Variants in RANBP10 observed in about 807,000 individuals in gnomAD.
RANBP10 encodes the protein ran-binding protein 10.
In RANBP10, 24 loss-of-function variants were observed where a neutral mutation model predicts 72.8. The observed-to-expected ratio is 0.33, with a 90% CI of 0.24 to 0.46. The LOEUF is 0.46. Among genes scored for constraint, RANBP10 ranks in the 20% least tolerant of loss-of-function variants. The probability of loss-of-function intolerance (pLI) is 1.00; values close to 1 mark genes in which losing one functional copy is unlikely to be tolerated. For synonymous variants in RANBP10, 310 were observed against 322.3 expected (o/e 0.96, Z 0.41); for missense variants, 679 against 817.5 (o/e 0.83, Z 2.07).
chr16:67,790,917 C>T (rs1348438659), intron 2 of RANBP10, among the ~76,000 whole-genome samples: 1 of 151,558 alleles, frequency 6.6e-6, no homozygotes, highest in South Asian at 2.1e-4. Context: ...CCAGGCTGGT[C>T]TCAAACTCTT....
chr16:67,746,601 T>C (rs533005443), intron 3 of RANBP10, among the ~76,000 whole-genome samples: 1 of 152,280 alleles, frequency 6.6e-6, no homozygotes, highest in Non-Finnish European at 1.5e-5. Flanking sequence ...CAGTGAGCTA[T>C]GATCATGCCA....
rs191257240 is a variant in RANBP10, at chr16:67,757,033, C to T, written c.401-12578G>A. Among the ~76,000 whole-genome samples, 15 of 152,188 alleles carry T rather than the reference C, an allele frequency of 9.9e-5. No individual in the cohort carries two copies. The East Asian group carries it at 2.1e-3, about 22-fold the overall frequency. ...CACCCTGACCAACATAGAGAAACCC[C>T]GTCTTAACTAAAAATATTTTAAAAA... On this transcript the variant is annotated intron_variant, in intron 3 of 13. Transcript: ENST00000317506.
At chr16:67,737,194 T>TTTTTTA (rs1286669785) in intron 5 of RANBP10, among the ~76,000 whole-genome samples, 1 of 126,646 alleles carries the variant, frequency 7.9e-6, no homozygotes, top group African/African-American at 3.1e-5. Context: ...ATCCTTTTCT[T>TTTTTTA]TTTTTTTTTT....
At chr16:67,800,386 G>C (rs2055214848) in intron 2 of RANBP10, among the ~76,000 whole-genome samples, 1 of 152,162 alleles carries the variant, frequency 6.6e-6, no homozygotes, top group African/African-American at 2.4e-5. Flanking sequence ...TCACATGTCA[G>C]GAGGCCTCCG....
Position 67,780,528 on chromosome 16 carries a change from A to T in RANBP10, c.348-8442T>A, listed in dbSNP as rs557826493. ...CTTGGGAGGCCAAGGCGGGAAGATC[A>T]TTGGAAGCCAGGAGTGCAAGACCAG... On this transcript the variant is annotated intron_variant, in intron 2 of 13. Transcript: ENST00000317506. 1.2e-3 allele frequency among the ~76,000 whole-genome samples: 184 copies of T among 152,278 alleles called. 5 individuals are homozygous for T. The South Asian group carries it at 0.036, about 30-fold the overall frequency.
chr16:67,774,432 A>G lies in RANBP10; in HGVS notation c.348-2346T>C, dbSNP rs141843665. The stretch of plus-strand genomic sequence containing the variant: ...CCTGTGCTCAAAACACAACTTGCTT[A>G]GGCCTCCCCACAGGAGACGCCTCTC... On this transcript the variant is annotated intron_variant, in intron 2 of 13. Transcript: ENST00000317506. Among the ~76,000 whole-genome samples, 34 of 152,360 alleles carry G rather than the reference A, an allele frequency of 2.2e-4. 1 individual carries two copies. In the East Asian group the frequency reaches 4.4e-3, roughly 20 times the overall value.
rs2053577209 is a variant in RANBP10 at position 67,725,165 on chromosome 16, A to C, written c.*1263T>G. The C allele has an allele frequency of 6.5e-6, 1 of 152,692 alleles. No homozygotes were observed. Among genetic ancestry groups the C allele is most frequent in the Admixed American group, 6.5e-5 (1 of 15,292 alleles). The allele number at this position is 152,692 out of a possible 1,614,324, so 9.5% of individuals were successfully genotyped here. On this transcript the variant is annotated 3_prime_UTR_variant, in exon 14 of 14. Coordinates refer to ENST00000317506, the MANE Select transcript of RANBP10 (RefSeq NM_020850.3). ...TCTCTGGCCAGCAAATACTCCCAAT[A>C]GTCTTTCCTAAGAGTGGCTAGGGCC...
At chr16:67,789,081 G>A (rs113305162) in intron 2 of RANBP10, among the ~76,000 whole-genome samples, 26 of 151,214 alleles carry the variant, frequency 1.7e-4, no homozygotes, top group Middle Eastern at 6.9e-3. Context: ...AGGCTGAGGC[G>A]GGCAGATTAC....
Position 67,729,301 on chromosome 16 carries a change from C to T in RANBP10, c.1331G>A (p.Ser444Asn). ...TDSTKSQHHS[S>N]TSNQETSDSE... is the part of the protein sequence containing the mutation. ...GCACCTGGTCTCCTGGTTACTGGTA[C>T]TGCTGTGGTGCTGGGACTTGGTGGA... is the stretch of plus-strand genomic sequence containing the variant. Residue 444 changes from serine (S) to asparagine (N), a missense_variant, in exon 10 of 14, where the codon AGT becomes AAT. Ser to Asn is a conservative substitution (Grantham distance 46). Transcript: ENST00000317506. This position sits in a 1 kb window ranked among gnomAD's most constrained non-coding sequence, Gnocchi z 7.1. 3 of 1,612,602 alleles carry T rather than the reference C, an allele frequency of 1.9e-6. No homozygotes were observed. Among genetic ancestry groups the T allele is most frequent in the Non-Finnish European group, 1.7e-6 (2 of 1,179,814 alleles).
At chr16:67,753,156 G>A (rs1165759807) in intron 3 of RANBP10, among the ~76,000 whole-genome samples, 1 of 150,616 alleles carries the variant, frequency 6.6e-6, no homozygotes, top group Non-Finnish European at 1.5e-5. Flanking sequence ...TGGGAAGATT[G>A]GATCATGCCA....
chr16:67,766,455 G>C (rs1406881006), intron 3 of RANBP10, among the ~76,000 whole-genome samples: 1 of 152,118 alleles, frequency 6.6e-6, no homozygotes, highest in African/African-American at 2.4e-5. Flanking sequence ...GGAGGTGTTT[G>C]GGTTACACTA....
rs550370000 is a variant in RANBP10 at position 67,730,713 on chromosome 16, C to T, written c.890-667G>A. On this transcript the variant is annotated intron_variant, in intron 7 of 13. Transcript: ENST00000317506. The surrounding 1 kb of genome is among the most constrained non-coding windows in gnomAD (Gnocchi z 4.3). Reference sequence around the variant, plus strand: ...AGATCCCAAGTCTGGGATCCCTTTCCGTCTGTCTGGCTGAGCACAGCTTCT... The same window carrying T: ...AGATCCCAAGTCTGGGATCCCTTTCTGTCTGTCTGGCTGAGCACAGCTTCT... Among the ~76,000 whole-genome samples the T allele has an allele frequency of 2.4e-4, 37 of 152,314 alleles. No homozygotes were observed. The highest frequency in any genetic ancestry group is 4.4e-4 in the Non-Finnish European group (30 of 68,024).
At chr16:67,769,177 C>T (rs1214195742) in intron 3 of RANBP10, among the ~76,000 whole-genome samples, 2 of 152,076 alleles carry the variant, frequency 1.3e-5, no homozygotes, top group East Asian at 3.8e-4. Context: ...AGCAGTGGCT[C>T]ATGCCTGTAA....
chr16:67,801,704 G>A (rs753178928), intron 2 of RANBP10, among the ~76,000 whole-genome samples: 10 of 152,064 alleles, frequency 6.6e-5, no homozygotes, highest in Non-Finnish European at 1.0e-4. Context: ...TGCAATCCCA[G>A]CACTTTGGAT....
chr16:67,743,988 A>G (rs529539444), intron 4 of RANBP10, among the ~76,000 whole-genome samples: 1 of 152,258 alleles, frequency 6.6e-6, no homozygotes, highest in African/African-American at 2.4e-5. Context: ...GGGTTCCCCA[A>G]ACTTCTCATC....
chr16:67,764,203 A>G (rs2054453305), intron 3 of RANBP10, among the ~76,000 whole-genome samples: 1 of 152,226 alleles, frequency 6.6e-6, no homozygotes, highest in Non-Finnish European at 1.5e-5. Context: ...GTCCCAGAAG[A>G]AAAGGGGCTT....
intron 2 of RANBP10, among the ~76,000 whole-genome samples, chr16:67,790,513 A>G (rs1393153342): frequency 1.3e-5 from 2 of 151,636 alleles, no homozygotes; most frequent in African/African-American, 4.9e-5. Flanking sequence ...GAACACCCCT[A>G]TGGCCCTGCA....
Position 67,752,782 on chromosome 16 carries a change from G to C in RANBP10, c.401-8327C>G, listed in dbSNP as rs549489750. Among the ~76,000 whole-genome samples, 12 of 152,270 alleles carry C rather than the reference G, an allele frequency of 7.9e-5. No homozygotes were observed. The South Asian group carries it at 2.5e-3, about 32-fold the overall frequency. On this transcript the variant is annotated intron_variant, in intron 3 of 13. Transcript: ENST00000317506. ...CACCGTGTTGCCTTCACATCCTCTG[G>C]AAAGGACAAGCACTATCTGCTTGCC...
chr16:67,742,158 C>A (rs1434779403), intron 4 of RANBP10, among the ~76,000 whole-genome samples: 2 of 151,872 alleles, frequency 1.3e-5, no homozygotes, highest in Admixed American at 1.3e-4. Flanking sequence ...AATCTGCCCA[C>A]CTCGGCCTCC....
Sources: gnomAD v4.1 joint callset for allele counts (sites outside exome capture counted in the v4.1 genomes callset) on GRCh38, gnomAD v4.1.1 for gene constraint, Gnocchi (gnomAD v3.1) non-coding constraint, MANE v1.5 for transcripts, NCBI Gene and HGNC (gene_info 2026-07-23, HGNC 2026-07-21) for gene names.